Variants in SCIN observed in about 807,000 individuals in gnomAD.
SCIN encodes adseverin.
Under a neutral mutation model 91.8 loss-of-function variants are expected in SCIN, and 91 were observed. That is an observed-to-expected ratio of 0.99 (90% CI 0.84 to 1.18). The LOEUF (loss-of-function observed/expected upper bound fraction) is 1.18. SCIN is among the 50% of genes most tolerant of loss of function. The probability of loss-of-function intolerance (pLI) is 0.00; values close to 1 mark genes in which losing one functional copy is unlikely to be tolerated. For missense variants in SCIN, 1,087 were observed against 863.9 expected (o/e 1.26, Z -3.24); for synonymous variants, 367 against 312.6 (o/e 1.17, Z -1.84).
chr7:12,651,343 G>A lies in SCIN; in HGVS notation c.1960-498G>A, dbSNP rs1003183347. Among the ~76,000 whole-genome samples, 18 of 152,156 alleles carry A rather than the reference G, an allele frequency of 1.2e-4. No homozygotes were observed. The highest frequency in any genetic ancestry group is 1.9e-4 in the East Asian group (1 of 5,204). On this transcript the variant is annotated intron_variant, in intron 14 of 15. Coordinates refer to ENST00000297029, the MANE Select transcript of SCIN (RefSeq NM_001112706.3). This position sits in a 1 kb window ranked among gnomAD's most constrained non-coding sequence, Gnocchi z 5.9. ...AAAGGGAGGGCCTCAAAGAAAGTCC[G>A]GCTGCACCACTGCAGATTCTCTACA...
At position 12,571,334 on chromosome 7, in the gene SCIN, C is replaced by A. The variant is rs1325020812; in HGVS notation, c.199+349C>A. 7 of 374,242 alleles carry A rather than the reference C, an allele frequency of 1.9e-5. No individual in the cohort carries two copies. The Middle Eastern group carries it at 2.5e-3, about 131-fold the overall frequency. 23.2% of individuals were successfully genotyped at this position (374,242 alleles called of 1,614,324 possible). A position where few individuals can be genotyped will look rare whatever the true frequency, so the allele number is the denominator to read the frequency against. On this transcript the variant is annotated intron_variant, in intron 1 of 15. Coordinates refer to ENST00000297029, the MANE Select transcript of SCIN (RefSeq NM_001112706.3). ...GGGCCGCTGCCTCAGCGCACACCGTCTCTGGCCAAGCCCCGCTCACCTTCC... is the reference window on the plus strand; with the variant it reads ...GGGCCGCTGCCTCAGCGCACACCGTATCTGGCCAAGCCCCGCTCACCTTCC...
At position 12,657,568 on chromosome 7, in the gene SCIN, ATATATTTTTTTTTTTTT is replaced by A. The variant is rs1354768645; in HGVS notation, c.*4855_*4871del. ...TATATATATATATATATATATATAT[ATATATTTTTTTTTTTTT>A]TTTTTTTTTTTTTGCATTGGCAAAA... On this transcript the variant is annotated 3_prime_UTR_variant, in exon 16 of 16. Coordinates refer to ENST00000297029, the MANE Select transcript of SCIN (RefSeq NM_001112706.3). 55 of 20,612 alleles carry A rather than the reference ATATATTTTTTTTTTTTT, an allele frequency of 2.7e-3. No individual in the cohort carries two copies. The highest frequency in any genetic ancestry group is 3.8e-3 in the Non-Finnish European group (42 of 10,990). The allele number at this position is 20,612 out of a possible 1,614,324, so 1.3% of individuals were successfully genotyped here. A position where few individuals can be genotyped will look rare whatever the true frequency, so the allele number is the denominator to read the frequency against.
At position 12,658,228 on chromosome 7, in the gene SCIN, A is replaced by G. The variant is rs1017748722; in HGVS notation, c.*5513A>G. On this transcript the variant is annotated 3_prime_UTR_variant, in exon 16 of 16. Transcript: ENST00000297029. ...AAATTTGAGTTTTCCTAATTATTTG[A>G]CATTGTCATTAGCTTGTGATCCTTA... 1.3e-5 allele frequency: 2 copies of G among 152,208 alleles called. No homozygotes were observed. Among genetic ancestry groups the G allele is most frequent in the East Asian group, 3.8e-4 (2 of 5,198 alleles). The allele number at this position is 152,208 out of a possible 1,614,324, so 9.4% of individuals were successfully genotyped here.
At chr7:12,646,593 C>T (rs972275152) in intron 13 of SCIN, among the ~76,000 whole-genome samples, 3 of 152,100 alleles carry the variant, frequency 2.0e-5, no homozygotes, top group Non-Finnish European at 4.4e-5. Context: ...CATCCTGAAC[C>T]ACAGCCTCTC....
At chr7:12,590,599 C>T (rs1782700103) in intron 3 of SCIN, among the ~76,000 whole-genome samples, 1 of 151,964 alleles carries the variant, frequency 6.6e-6, no homozygotes, top group African/African-American at 2.4e-5. Flanking sequence ...GCAAAGCTTT[C>T]TCGGTGGGAG....
chr7:12,597,084 G>A (rs955726126), intron 3 of SCIN, among the ~76,000 whole-genome samples: 17 of 152,074 alleles, frequency 1.1e-4, no homozygotes, highest in Non-Finnish European at 2.1e-4. Context: ...CAATACATAC[G>A]TAACTGAAGG....
In SCIN at chr7:12,640,461, C is replaced by G. The variant is rs543299993; in HGVS notation, c.1525C>G (p.Pro509Ala). ...SKKGGQAPAP[P>A]TRLFQVRRNL... The stretch of plus-strand genomic sequence containing the variant: ...GAAAGGAGGTCAGGCACCTGCTCCC[C>G]CTACACGCCTCTTTCAAGTCCGGAG... The change falls in exon 11 of 16, where the codon CCT becomes GCT. Residue 509 changes from proline to alanine, a missense_variant. By Grantham distance (27) the Pro-to-Ala change is conservative. Coordinates refer to ENST00000297029, the MANE Select transcript of SCIN (RefSeq NM_001112706.3). 6.2e-7 allele frequency: 1 copy of G among 1,613,196 alleles called. No homozygotes were observed. The highest frequency in any genetic ancestry group is 2.2e-5 in the East Asian group (1 of 44,790).
chr7:12,609,915 T>G (rs1234815831), intron 4 of SCIN, among the ~76,000 whole-genome samples: 3 of 152,200 alleles, frequency 2.0e-5, no homozygotes, highest in Non-Finnish European at 2.9e-5. Context: ...ATGTCTCCAT[T>G]AATAACTGTT....
Position 12,581,068 on chromosome 7 carries a change from C to T in SCIN, c.363C>T (p.Gly121=), listed in dbSNP as rs925853993. ...CTTCCCTCATTCATCAGGCTGGAGGCGTGGCATCTGGATTAAATCATGTTC... is the reference window on the plus strand; with the variant it reads ...CTTCCCTCATTCATCAGGCTGGAGGTGTGGCATCTGGATTAAATCATGTTC... ...FKGGLKYKAG[G]VASGLNHVLT... is the part of the protein sequence containing the mutation. The change falls in exon 3 of 16, where the codon GGC becomes GGT. Residue 121 remains glycine, a synonymous_variant. Transcript: ENST00000297029. 3.9e-5 allele frequency: 60 copies of T among 1,550,760 alleles called. No homozygotes were observed. Among genetic ancestry groups the T allele is most frequent in the Admixed American group, 2.6e-4 (13 of 50,952 alleles).
chr7:12,588,808 T>TGGGGGGGGGGGGTGGGGGG (rs1782647214), intron 3 of SCIN: 1 of 7,974 alleles, frequency 1.3e-4, no homozygotes. Context: ...CTGCATTGGG[T>TGGGGGGGGGGGGTGGGGGG]GGGGGGGGGG....
In SCIN at chr7:12,660,128, C is replaced by G. The variant is rs899840717; in HGVS notation, c.*7413C>G. 1 of 152,476 alleles carries G rather than the reference C, an allele frequency of 6.6e-6. No homozygotes were observed. Among genetic ancestry groups the G allele is most frequent in the Non-Finnish European group, 1.5e-5 (1 of 68,286 alleles). 9.4% of individuals were successfully genotyped at this position (152,476 alleles called of 1,614,324 possible). A position where few individuals can be genotyped will look rare whatever the true frequency, so the allele number is the denominator to read the frequency against. ...CACCACCCTTTGCTGACTCTCTTTT[C>G]GGACTCAGCCCGCCTGCACCCAGGT... On this transcript the variant is annotated 3_prime_UTR_variant, in exon 16 of 16. Transcript: ENST00000297029.
intron 1 of SCIN, among the ~76,000 whole-genome samples, chr7:12,573,684 G>A (rs1782313055): frequency 6.6e-6 from 1 of 152,058 alleles, no homozygotes; most frequent in Non-Finnish European, 1.5e-5. Flanking sequence ...CAAATCAATG[G>A]GTAGGTCTAG....
Position 12,629,109 on chromosome 7 carries a change from T to G in SCIN, c.1206T>G (p.Arg402=), listed in dbSNP as rs1322238702. The G allele has an allele frequency of 6.2e-7, 1 of 1,611,736 alleles. No individual in the cohort carries two copies. The highest frequency in any genetic ancestry group is 8.5e-7 in the Non-Finnish European group (1 of 1,178,720). ...TATTCCATTCCTTCCAGATTTGGCG[T>G]GTAGAAAACAATGGTAGGATCCAAG... ...DDGSGKVEIW[R]VENNGRIQVD... The change falls in exon 9 of 16, where the codon CGT becomes CGG. Residue 402 remains arginine (R), a synonymous_variant. Transcript: ENST00000297029.
At position 12,657,556 on chromosome 7, in the gene SCIN, ATATATATATATATATATTTTTTTT is replaced by A. The variant is rs1784186207; in HGVS notation, c.*4843_*4866del. The A allele has an allele frequency of 6.3e-5, 1 of 15,866 alleles. No homozygotes were observed. Among genetic ancestry groups the A allele is most frequent in the African/African-American group, 2.7e-4 (1 of 3,712 alleles). The allele number at this position is 15,866 out of a possible 1,614,324, so 1.0% of individuals were successfully genotyped here. On this transcript the variant is annotated 3_prime_UTR_variant, in exon 16 of 16. Transcript: ENST00000297029. ...TGTGTGTGTATATATATATATATAT[ATATATATATATATATATTTTTTTT>A]TTTTTTTTTTTTTTTTTTGCATTGG...
chr7:12,598,382 A>G (rs1285621205), intron 3 of SCIN, among the ~76,000 whole-genome samples: 1 of 152,164 alleles, frequency 6.6e-6, no homozygotes, highest in Non-Finnish European at 1.5e-5. Context: ...CTACCTCTGA[A>G]TAGAGTAAGT....
intron 13 of SCIN, among the ~76,000 whole-genome samples, chr7:12,649,244 A>T (rs892798104): frequency 1.5e-4 from 23 of 152,224 alleles, no homozygotes; most frequent in African/African-American, 5.5e-4. Flanking sequence ...TCACAAATGC[A>T]ATGTTTATAT....
At position 12,644,171 on chromosome 7, in the gene SCIN, G is replaced by C. The variant is rs769444930; in HGVS notation, c.1615G>C (p.Asp539His). Residue 539 changes from aspartate (D) to histidine (H), a missense_variant, in exon 12 of 16, where the codon GAT becomes CAT. Coordinates refer to ENST00000297029, the MANE Select transcript of SCIN (RefSeq NM_001112706.3). ...TGATGCAAATTCACTGAATTCTAAC[G>C]ATGTTTTTGTCCTGAAACTGCCACA... ...DVDANSLNSN[D>H]VFVLKLPQNS... The C allele has an allele frequency of 3.1e-6, 5 of 1,612,822 alleles. No homozygotes were observed. The highest frequency in any genetic ancestry group is 4.2e-6 in the Non-Finnish European group (5 of 1,179,414).
chr7:12,594,172 T>G (rs1782787436), intron 3 of SCIN, among the ~76,000 whole-genome samples: 1 of 150,136 alleles, frequency 6.7e-6, no homozygotes, highest in African/African-American at 2.5e-5. Context: ...CAGAAGTGGG[T>G]TGGTTGGAGA....
At chr7:12,571,531 C>T (rs1365132773) in intron 1 of SCIN, 3 of 440,136 alleles carry the variant, frequency 6.8e-6, no homozygotes, top group African/African-American at 4.2e-5. Context: ...TTGTTCTGGG[C>T]TTCTTTAAAA....
Sources: allele counts gnomAD v4.1 joint callset (sites outside exome capture counted in the v4.1 genomes callset), GRCh38; gene constraint gnomAD v4.1.1; non-coding constraint Gnocchi (gnomAD v3.1); transcripts MANE v1.5; gene names NCBI Gene and HGNC (gene_info 2026-07-23, HGNC 2026-07-21).